Variants in VWA8 observed in about 807,000 individuals in gnomAD.
VWA8 encodes the protein von Willebrand factor A domain-containing protein 8.
In VWA8, 221 loss-of-function variants were observed where a neutral mutation model predicts 241.5. That is an observed-to-expected ratio of 0.91 (90% confidence interval 0.82 to 1.02). VWA8 has a LOEUF of 1.02. Among genes scored for constraint, VWA8 ranks in the 50% least tolerant of loss-of-function variants. VWA8 has a pLI of 0.00. For missense variants in VWA8, 2,322 were observed against 2,328.7 expected (o/e 1.00, Z 0.06); for synonymous variants, 852 against 827.1 (o/e 1.03, Z -0.52).
intron 30 of VWA8, among the ~76,000 whole-genome samples, chr13:41,692,339 T>C (rs1420600517): frequency 2.0e-5 from 3 of 152,058 alleles, no homozygotes; most frequent in Non-Finnish European, 4.4e-5. Context: ...GTATGTTGAC[T>C]TGCAGGGCAG....
Position 41,570,583 on chromosome 13 carries a change from C to T in VWA8, c.5494G>A (p.Ala1832Thr). ...DEYFVIVLSD[A>T]NLSRYGIHPA... Reference sequence around the variant, plus strand: ...TGTATTCCATATCGTGACAGATTTGCATCACTCAAGACTATGACAAAGTAC... The same window carrying T: ...TGTATTCCATATCGTGACAGATTTGTATCACTCAAGACTATGACAAAGTAC... The change falls in exon 44 of 45, where the codon GCA becomes ACA. Residue 1832 changes from alanine to threonine, a missense_variant. Ala to Thr is a moderately conservative substitution (Grantham distance 58). Transcript: ENST00000379310. 2 of 1,614,202 alleles carry T rather than the reference C, an allele frequency of 1.2e-6. No homozygotes were observed. The highest frequency in any genetic ancestry group is 1.1e-5 in the South Asian group (1 of 91,088).
chr13:41,662,891 T>C (rs2139696151), intron 37 of VWA8, among the ~76,000 whole-genome samples: 1 of 152,060 alleles, frequency 6.6e-6, no homozygotes, highest in African/African-American at 2.4e-5. Flanking sequence ...CTTTATCGGG[T>C]TGAGAAAATT....
chr13:41,582,664 T>A (rs2044390858), intron 42 of VWA8, among the ~76,000 whole-genome samples: 1 of 152,238 alleles, frequency 6.6e-6, no homozygotes. Context: ...TTTTGTTAGT[T>A]ATTCCTATTC....
chr13:41,751,677 G>C (rs1379159719), intron 21 of VWA8, among the ~76,000 whole-genome samples: 1 of 151,982 alleles, frequency 6.6e-6, no homozygotes, highest in African/African-American at 2.4e-5. Context: ...GATTTAAGAG[G>C]GCAGAATTTG....
At chr13:41,760,627 A>G (rs981685168) in intron 21 of VWA8, among the ~76,000 whole-genome samples, 2 of 151,924 alleles carry the variant, frequency 1.3e-5, no homozygotes, top group Non-Finnish European at 2.9e-5. Flanking sequence ...ATTGAGAAAA[A>G]CTATTTGATT....
chr13:41,722,586 C>CT (rs1244499653), intron 24 of VWA8, among the ~76,000 whole-genome samples: 1 of 152,024 alleles, frequency 6.6e-6, no homozygotes, highest in African/African-American at 2.4e-5. Flanking sequence ...TGGCTTTTGC[C>CT]TTTTTTGCTG....
chr13:41,789,244 GCTCA>G (rs1477098899), intron 17 of VWA8, among the ~76,000 whole-genome samples: 1 of 151,928 alleles, frequency 6.6e-6, no homozygotes, highest in Non-Finnish European at 1.5e-5. Flanking sequence ...CTTTCCCATT[GCTCA>G]CTGATATTTT....
intron 26 of VWA8, among the ~76,000 whole-genome samples, chr13:41,708,071 C>T (rs1213189844): frequency 6.6e-6 from 1 of 151,994 alleles, no homozygotes; most frequent in African/African-American, 2.4e-5. Context: ...AATATTTTTA[C>T]ATGGGGCCGG....
chr13:41,812,785 G>A (rs925510025), intron 16 of VWA8, among the ~76,000 whole-genome samples: 1 of 152,028 alleles, frequency 6.6e-6, no homozygotes, highest in Non-Finnish European at 1.5e-5. Context: ...CACATTCTAA[G>A]TTTCAAAGAA....
intron 43 of VWA8, among the ~76,000 whole-genome samples, chr13:41,571,336 C>CTCCCGTG (rs2044302220): frequency 6.8e-6 from 1 of 147,820 alleles, no homozygotes; most frequent in Non-Finnish European, 1.5e-5. Context: ...CCGTCTCCCT[C>CTCCCGTG]TCCCTCTCCC....
At chr13:41,882,350 T>C (rs1874271819) in intron 9 of VWA8, among the ~76,000 whole-genome samples, 1 of 146,000 alleles carries the variant, frequency 6.8e-6, no homozygotes, top group African/African-American at 2.6e-5. Flanking sequence ...GCTCCTCACG[T>C]CCCAGACGAC....
At chr13:41,784,729 T>TATATATATACATACAC (rs772522331) in intron 18 of VWA8, among the ~76,000 whole-genome samples, 1 of 60,080 alleles carries the variant, frequency 1.7e-5, no homozygotes, top group Non-Finnish European at 3.6e-5. Flanking sequence ...TATATATATA[T>TATATATATACATACAC]ACACACACAT....
At chr13:41,754,602 T>C (rs1185601176) in intron 21 of VWA8, among the ~76,000 whole-genome samples, 1 of 152,266 alleles carries the variant, frequency 6.6e-6, no homozygotes, top group South Asian at 2.1e-4. Flanking sequence ...TGTTACAAAC[T>C]ATCCAATTAT....
intron 13 of VWA8, 68 bp downstream of exon 13, chr13:41,833,303 T>C (rs1871553106): frequency 1.1e-5 from 16 of 1,485,628 alleles, no homozygotes; most frequent in Non-Finnish European, 1.3e-5. Flanking sequence ...AATGAGATAG[T>C]TCCATCTTTA....
chr13:41,616,679 A>G (rs1164617140), intron 37 of VWA8, among the ~76,000 whole-genome samples: 5 of 152,226 alleles, frequency 3.3e-5, no homozygotes, highest in African/African-American at 1.2e-4. Context: ...GGTGACCAAT[A>G]TGGTAGTCAC....
intron 2 of VWA8, among the ~76,000 whole-genome samples, chr13:41,927,821 G>A (rs950102630): frequency 4.6e-5 from 7 of 152,114 alleles, no homozygotes; most frequent in African/African-American, 1.4e-4. Context: ...TTTAAAAAAA[G>A]GGGGGAATTC....
At chr13:41,882,462 G>A (rs1208993941) in intron 9 of VWA8, among the ~76,000 whole-genome samples, 1 of 152,122 alleles carries the variant, frequency 6.6e-6, no homozygotes, top group East Asian at 1.9e-4. Flanking sequence ...CAGCTGGGAG[G>A]TGGAGGTTGT....
intron 37 of VWA8, among the ~76,000 whole-genome samples, chr13:41,618,739 C>T (rs1268945739): frequency 6.6e-6 from 1 of 152,082 alleles, no homozygotes; most frequent in Non-Finnish European, 1.5e-5. Flanking sequence ...GAATCCTTTC[C>T]CCATTTCTTG....
chr13:41,799,648 C>T (rs940121102), intron 17 of VWA8, among the ~76,000 whole-genome samples: 1 of 152,128 alleles, frequency 6.6e-6, no homozygotes, highest in African/African-American at 2.4e-5. Context: ...TATTAAAATC[C>T]AGCATTAGAC....
Sources: gnomAD v4.1 joint callset for allele counts (sites outside exome capture counted in the v4.1 genomes callset) on GRCh38, gnomAD v4.1.1 for gene constraint, MANE v1.5 for transcripts, NCBI Gene and HGNC (gene_info 2026-07-23, HGNC 2026-07-21) for gene names.